FHIP1A: variants seen among roughly 807,000 people sequenced by gnomAD.
The protein encoded by FHIP1A is FHF complex subunit HOOK-interacting protein 1A.
In FHIP1A, 61 loss-of-function variants were observed where a neutral mutation model predicts 88.6. The observed-to-expected ratio is 0.69, with a 90% CI of 0.56 to 0.85. The LOEUF is 0.85. Ranked by LOEUF, FHIP1A falls within the 40% of genes least tolerant of loss-of-function variation. The pLI is 0.00. For missense variants in FHIP1A, 1,154 were observed against 1,273.5 expected, an observed-to-expected ratio of 0.91 and a Z score of 1.43; for synonymous variants, 478 against 496.0, an observed-to-expected ratio of 0.96 and a Z score of 0.48.
intron 1 of FHIP1A, among the ~76,000 whole-genome samples, chr4:151,409,743 A>C (rs1190336675): frequency 1.3e-5 from 2 of 151,950 alleles, no homozygotes; most frequent in South Asian, 2.1e-4. Flanking sequence ...TGGGAGAGAG[A>C]GAGCCAGCTT....
At chr4:151,585,352 G>A (rs797000401) in intron 5 of FHIP1A, among the ~76,000 whole-genome samples, 15 of 152,146 alleles carry the variant, frequency 9.9e-5, no homozygotes, top group African/African-American at 3.4e-4. Flanking sequence ...GCTAAATTTT[G>A]TATTTTTAGT....
Position 151,428,069 on chromosome 4 carries a change from T to A in FHIP1A, c.-356+18604T>A, listed in dbSNP as rs184005950. Among the ~76,000 whole-genome samples the A allele has an allele frequency of 3.3e-3, 502 of 152,294 alleles. 11 individuals are homozygous for A. Among genetic ancestry groups the A allele is most frequent in the Non-Finnish European group, 6.6e-4 (45 of 68,018 alleles). On this transcript the variant is annotated intron_variant, in intron 1 of 13. Transcript: ENST00000435205. ...CTTGATATAGTATCATGGTAATCTG[T>A]TTTGCATTTTATAGTATATGCTTTT...
intron 1 of FHIP1A, among the ~76,000 whole-genome samples, chr4:151,414,245 G>T (rs1249358194): frequency 1.3e-5 from 2 of 151,992 alleles, no homozygotes; most frequent in Admixed American, 1.3e-4. Flanking sequence ...TAGAGATGGG[G>T]TTTCACCATG....
At chr4:151,616,908 C>A (rs1213628651) in intron 7 of FHIP1A, among the ~76,000 whole-genome samples, 1 of 152,026 alleles carries the variant, frequency 6.6e-6, no homozygotes, top group Non-Finnish European at 1.5e-5. Context: ...CCACCACACC[C>A]AGCTAATTTT....
At chr4:151,588,132 A>G (rs949531538) in intron 6 of FHIP1A, among the ~76,000 whole-genome samples, 1 of 152,120 alleles carries the variant, frequency 6.6e-6, no homozygotes, top group African/African-American at 2.4e-5. Context: ...TCGAAACCAT[A>G]TACTTTTAAG....
intron 7 of FHIP1A, among the ~76,000 whole-genome samples, chr4:151,617,173 CAGAG>C (rs948325039): frequency 6.6e-6 from 1 of 152,060 alleles, no homozygotes; most frequent in African/African-American, 2.4e-5. Flanking sequence ...TATGGGGAGT[CAGAG>C]AGAGGCCAGA....
At chr4:151,646,853 A>T (rs1184839949) in intron 10 of FHIP1A, 105 bp downstream of exon 10, 2 of 721,552 alleles carry the variant, frequency 2.8e-6, no homozygotes, top group Admixed American at 2.7e-5. Flanking sequence ...GGTGGGTCCC[A>T]TTTCTCTTAT....
intron 3 of FHIP1A, among the ~76,000 whole-genome samples, chr4:151,492,880 G>C (rs186565896): frequency 6.6e-6 from 1 of 152,108 alleles, no homozygotes; most frequent in African/African-American, 2.4e-5. Flanking sequence ...ACATCAAAAA[G>C]TCTGAAAGAG....
chr4:151,507,813 G>A (rs949729206), intron 3 of FHIP1A, among the ~76,000 whole-genome samples: 4 of 152,168 alleles, frequency 2.6e-5, no homozygotes, highest in African/African-American at 4.8e-5. Flanking sequence ...ATATTTACAG[G>A]GATAGAAGGG....
chr4:151,426,094 A>T (rs547596068), intron 1 of FHIP1A, among the ~76,000 whole-genome samples: 3 of 152,208 alleles, frequency 2.0e-5, no homozygotes, highest in African/African-American at 2.4e-5. Context: ...ATTTGCTTTT[A>T]AAAAAACAAG....
chr4:151,480,791 C>T (rs1729867889), intron 2 of FHIP1A, among the ~76,000 whole-genome samples: 1 of 152,022 alleles, frequency 6.6e-6, no homozygotes, highest in Admixed American at 6.6e-5. Context: ...ACTGCTACTC[C>T]TGTGCCTAGT....
intron 3 of FHIP1A, among the ~76,000 whole-genome samples, chr4:151,516,490 A>G (rs1422198867): frequency 2.6e-5 from 4 of 152,198 alleles, no homozygotes; most frequent in African/African-American, 9.7e-5. Flanking sequence ...ACAGCAAAAG[A>G]AACTACCATC....
chr4:151,496,227 A>G (rs1459683907), intron 3 of FHIP1A, among the ~76,000 whole-genome samples: 1 of 149,806 alleles, frequency 6.7e-6, no homozygotes, highest in East Asian at 1.9e-4. Flanking sequence ...TTAAATAAAC[A>G]AAAGATTATA....
At chr4:151,555,344 G>A (rs1051067411) in intron 3 of FHIP1A, among the ~76,000 whole-genome samples, 2 of 152,074 alleles carry the variant, frequency 1.3e-5, no homozygotes, top group African/African-American at 4.8e-5. Context: ...CAACAGAATT[G>A]TGGCCTTTAA....
In FHIP1A at chr4:151,578,095, C is replaced by A; in HGVS notation, c.732+19C>A. The stretch of plus-strand genomic sequence containing the variant: ...TTGTCCAGTAAGTCTCTTTCCTTGG[C>A]ATGTTTTCCACTCACTCCCTTTTTT... On this transcript the variant is annotated intron_variant, in intron 5 of 13. Coordinates refer to ENST00000435205, the MANE Select transcript of FHIP1A (RefSeq NM_001109977.3). 6.5e-7 allele frequency: 1 copy of A among 1,539,452 alleles called. No individual in the cohort carries two copies. The highest frequency in any genetic ancestry group is 1.2e-5 in the South Asian group (1 of 83,162).
At chr4:151,507,859 T>C (rs11934818) in intron 3 of FHIP1A, among the ~76,000 whole-genome samples, 18,881 of 152,188 alleles carry the variant, frequency 0.12, 1,289 homozygotes, top group African/African-American at 0.17. Context: ...GGCTATTGCT[T>C]ACCAGTGAGA....
At chr4:151,532,269 G>A (rs1292169915) in intron 3 of FHIP1A, among the ~76,000 whole-genome samples, 2 of 152,118 alleles carry the variant, frequency 1.3e-5, no homozygotes, top group Non-Finnish European at 2.9e-5. Flanking sequence ...TACACAGATT[G>A]TGTAATTTCT....
chr4:151,480,951 A>G (rs933414285), intron 2 of FHIP1A, among the ~76,000 whole-genome samples: 1 of 152,044 alleles, frequency 6.6e-6, no homozygotes, highest in African/African-American at 2.4e-5. Context: ...AGAGACTTCT[A>G]GGGCCATCTT....
At chr4:151,483,624 G>C (rs2126636884) in intron 3 of FHIP1A, among the ~76,000 whole-genome samples, 1 of 152,238 alleles carries the variant, frequency 6.6e-6, no homozygotes, top group South Asian at 2.1e-4. Context: ...GAGGCTTAGG[G>C]AAAGATTTGT....
Sources: allele counts gnomAD v4.1 joint callset (sites outside exome capture counted in the v4.1 genomes callset), GRCh38; gene constraint gnomAD v4.1.1; transcripts MANE v1.5; gene names NCBI Gene and HGNC (gene_info 2026-07-23, HGNC 2026-07-21).